The following SRPK2 variants were observed in gnomAD, a reference collection of about 807,000 sequenced individuals.
SRPK2 encodes the protein SRSF protein kinase 2, also known as SFRS protein kinase 2.
A neutral mutation model predicts 90.8 loss-of-function variants in SRPK2; 21 were observed. The observed-to-expected ratio is 0.23, with a 90% CI of 0.16 to 0.33. The LOEUF (loss-of-function observed/expected upper bound fraction) is 0.33. Among genes scored for constraint, SRPK2 ranks in the 10% least tolerant of loss-of-function variants. The probability of loss-of-function intolerance (pLI) is 1.00; values close to 1 mark genes in which losing one functional copy is unlikely to be tolerated. For synonymous variants in SRPK2, 288 were observed against 311.1 expected (o/e 0.93, Z 0.78); for missense variants, 620 against 869.0 (o/e 0.71, Z 3.60).
chr7:105,355,685 G>A (rs922664551), intron 2 of SRPK2, among the ~76,000 whole-genome samples: 6 of 152,116 alleles, frequency 3.9e-5, no homozygotes, highest in Middle Eastern at 3.4e-3. Flanking sequence ...AATCAACCCT[G>A]CTTAAACAAA....
chr7:105,232,427 C>T (rs1011418220), intron 2 of SRPK2, among the ~76,000 whole-genome samples: 2 of 147,776 alleles, frequency 1.4e-5, no homozygotes, highest in South Asian at 2.1e-4. Context: ...CCATTGCACT[C>T]CAGCCTGGGC....
chr7:105,164,194 G>C (rs1199171085), intron 6 of SRPK2, among the ~76,000 whole-genome samples: 1 of 152,098 alleles, frequency 6.6e-6, no homozygotes, highest in African/African-American at 2.4e-5. Context: ...CCGTTTTTTG[G>C]GATGCTGAGG....
intron 2 of SRPK2, among the ~76,000 whole-genome samples, chr7:105,369,710 A>C (rs1819489167): frequency 6.6e-6 from 1 of 152,148 alleles, no homozygotes; most frequent in South Asian, 2.1e-4. Flanking sequence ...AATAAAAATA[A>C]TCAACAGGAT....
At chr7:105,220,537 AAG>A (rs1209263235) in intron 2 of SRPK2, among the ~76,000 whole-genome samples, 1 of 152,352 alleles carries the variant, frequency 6.6e-6, no homozygotes, top group Non-Finnish European at 1.5e-5. Flanking sequence ...AAAAGAAAAA[AAG>A]AGTTAATACA....
chr7:105,382,578 A>AG (rs1821075360), intron 2 of SRPK2, among the ~76,000 whole-genome samples: 1 of 139,640 alleles, frequency 7.2e-6, no homozygotes, highest in Non-Finnish European at 1.6e-5. Flanking sequence ...AAAAAAAAAA[A>AG]GGAATGCTCT....
chr7:105,314,225 G>C (rs1812056467), intron 2 of SRPK2, among the ~76,000 whole-genome samples: 1 of 151,800 alleles, frequency 6.6e-6, no homozygotes, highest in Non-Finnish European at 1.5e-5. Context: ...CAAGCTACTT[G>C]GGAGGTTGAG....
intron 2 of SRPK2, among the ~76,000 whole-genome samples, chr7:105,234,388 G>A (rs1011496235): frequency 3.9e-5 from 6 of 152,212 alleles, no homozygotes; most frequent in Admixed American, 2.0e-4. Flanking sequence ...TCTACCAAAA[G>A]ATCATTAGAG....
chr7:105,297,393 T>A, intron 2 of SRPK2: 1 of 900,468 alleles, frequency 1.1e-6, no homozygotes, highest in Non-Finnish European at 1.3e-6. Flanking sequence ...GCTATCACGT[T>A]TTCACTATAA....
At chr7:105,186,102 T>C (rs1375064072) in intron 3 of SRPK2, among the ~76,000 whole-genome samples, 2 of 152,242 alleles carry the variant, frequency 1.3e-5, no homozygotes, top group Admixed American at 1.3e-4. Flanking sequence ...TCTTGATTTA[T>C]ATAAGGTATT....
At chr7:105,296,781 T>C (rs1346059813) in intron 2 of SRPK2, among the ~76,000 whole-genome samples, 1 of 152,334 alleles carries the variant, frequency 6.6e-6, no homozygotes, top group Non-Finnish European at 1.5e-5. Context: ...GGGGGCTTAC[T>C]ACTTATTAGC....
In SRPK2 at chr7:105,349,262, C is replaced by T. The variant is rs551319560; in HGVS notation, c.71+39386G>A. ...AGGGGGCCAAGCATGGTGGCTCACG[C>T]CTGTAATCCCAGCACTTTGGGAGGC... On this transcript the variant is annotated intron_variant, in intron 2 of 15. Transcript: ENST00000393651. Among the ~76,000 whole-genome samples the T allele has an allele frequency of 1.4e-4, 21 of 149,980 alleles. No homozygotes were observed. In the East Asian group the frequency reaches 3.7e-3, roughly 26 times the overall value.
Position 105,117,770 on chromosome 7 carries a change from G to C in SRPK2, c.*68C>G. 6.6e-7 allele frequency: 1 copy of C among 1,517,298 alleles called. No individual in the cohort carries two copies. Among genetic ancestry groups the C allele is most frequent in the East Asian group, 2.3e-5 (1 of 43,674 alleles). The allele number at this position is 1,517,298 out of a possible 1,614,324, so 94.0% of individuals were successfully genotyped here. The stretch of plus-strand genomic sequence containing the variant: ...CACTTGTAATCCTGTTAAAGAATGA[G>C]AGTCACCGTTTAGGTCCAATGTACT... On this transcript the variant is annotated 3_prime_UTR_variant, in exon 16 of 16. Transcript: ENST00000393651.
intron 2 of SRPK2, among the ~76,000 whole-genome samples, chr7:105,313,093 T>C (rs1253911358): frequency 1.3e-5 from 2 of 151,744 alleles, no homozygotes; most frequent in Non-Finnish European, 1.5e-5. Flanking sequence ...TCAGGCATTA[T>C]ATGCATGTAA....
At chr7:105,170,058 C>T (rs1447303567) in intron 3 of SRPK2, among the ~76,000 whole-genome samples, 2 of 152,236 alleles carry the variant, frequency 1.3e-5, no homozygotes, top group Non-Finnish European at 2.9e-5. Flanking sequence ...TCAAACAATC[C>T]GCACATCTCC....
intron 15 of SRPK2, chr7:105,125,707 C>T (rs1010302431): frequency 1.6e-5 from 9 of 573,484 alleles, no homozygotes; most frequent in Non-Finnish European, 2.4e-5. Flanking sequence ...TTCTCCACTG[C>T]CCAATCACGA....
intron 2 of SRPK2, among the ~76,000 whole-genome samples, chr7:105,225,337 T>C (rs1373302110): frequency 6.6e-6 from 1 of 152,232 alleles, no homozygotes. Context: ...GGAGAATCAT[T>C]ATGGTTCTTA....
intron 2 of SRPK2, among the ~76,000 whole-genome samples, chr7:105,212,074 C>A (rs190347576): frequency 3.9e-5 from 6 of 152,290 alleles, no homozygotes; most frequent in Non-Finnish European, 2.9e-5. Context: ...TCCATATATT[C>A]TTTGCAAAAA....
chr7:105,271,740 A>G (rs1176711488), intron 2 of SRPK2, among the ~76,000 whole-genome samples: 1 of 152,200 alleles, frequency 6.6e-6, no homozygotes, highest in Non-Finnish European at 1.5e-5. Flanking sequence ...TCCCTTGACC[A>G]TGCTCAGGAC....
At chr7:105,268,046 C>G (rs923259940) in intron 2 of SRPK2, among the ~76,000 whole-genome samples, 4 of 152,124 alleles carry the variant, frequency 2.6e-5, no homozygotes, top group African/African-American at 9.7e-5. Context: ...ATTTGCATAT[C>G]AAAATAGGCA....
Sources: allele counts gnomAD v4.1 joint callset (sites outside exome capture counted in the v4.1 genomes callset), GRCh38; gene constraint gnomAD v4.1.1; transcripts MANE v1.5; gene names NCBI Gene and HGNC (gene_info 2026-07-23, HGNC 2026-07-21).